The following IGBP1C variants were observed in gnomAD, a reference collection of about 807,000 sequenced individuals.
IGBP1C encodes the protein immunoglobulin-binding protein 1 family member C.
chr17:58,690,176 T>C, the IGBP1C span, among the ~76,000 whole-genome samples: 1 of 151,350 alleles, frequency 6.6e-6, no homozygotes, highest in Non-Finnish European at 1.5e-5. Flanking sequence ...TTTGCTTTGT[T>C]TTGTTTTTGA....
the IGBP1C span, among the ~76,000 whole-genome samples, chr17:58,667,098 C>A: frequency 2.0e-5 from 3 of 152,198 alleles, no homozygotes; most frequent in Non-Finnish European, 4.4e-5. Flanking sequence ...TTCGGATCTC[C>A]CTGTATGGAG....
the IGBP1C span, among the ~76,000 whole-genome samples, chr17:58,669,492 G>A: frequency 6.6e-6 from 1 of 151,944 alleles, no homozygotes; most frequent in African/African-American, 2.4e-5. Context: ...TGACACTTTC[G>A]GAGGCCGAGG....
At chr17:58,676,516 T>C in the IGBP1C span, among the ~76,000 whole-genome samples, 1 of 151,902 alleles carries the variant, frequency 6.6e-6, no homozygotes, top group Non-Finnish European at 1.5e-5. Flanking sequence ...GCCAAGATCA[T>C]GCCATTGCAC....
the IGBP1C span, among the ~76,000 whole-genome samples, chr17:58,672,180 G>A: frequency 1.3e-5 from 2 of 152,134 alleles, no homozygotes; most frequent in Non-Finnish European, 2.9e-5. Context: ...TGATCTAACA[G>A]GAGGAGGTGC....
At chr17:58,678,547 C>A in the IGBP1C span, among the ~76,000 whole-genome samples, 1 of 151,928 alleles carries the variant, frequency 6.6e-6, no homozygotes, top group Non-Finnish European at 1.5e-5. Context: ...AAGCTGGAAA[C>A]CATCATTCTG....
chr17:58,662,216 C>T, the IGBP1C span, among the ~76,000 whole-genome samples: 1 of 151,332 alleles, frequency 6.6e-6, no homozygotes, highest in African/African-American at 2.4e-5. Context: ...TTTGGGAGGC[C>T]GAGGTGGGCG....
At chr17:58,681,388 C>T in the IGBP1C span, among the ~76,000 whole-genome samples, 1 of 152,104 alleles carries the variant, frequency 6.6e-6, no homozygotes, top group Non-Finnish European at 1.5e-5. Context: ...GTGATGCAAC[C>T]AGACACTTGT....
chr17:58,683,270 G>A, the IGBP1C span, among the ~76,000 whole-genome samples: 1 of 151,638 alleles, frequency 6.6e-6, no homozygotes, highest in Admixed American at 6.6e-5. Context: ...CTACTCCGGA[G>A]GCTGAGGCAG....
chr17:58,679,837 T>C, the IGBP1C span: 1 of 152,150 alleles, frequency 6.6e-6, no homozygotes, highest in East Asian at 1.9e-4. Context: ...GTATTTTTAA[T>C]ATCTGGCTAT....
At chr17:58,678,184 T>C in the IGBP1C span, among the ~76,000 whole-genome samples, 2 of 152,108 alleles carry the variant, frequency 1.3e-5, no homozygotes, top group African/African-American at 4.8e-5. Flanking sequence ...TTAGATGTGA[T>C]TGATTTAAGA....
chr17:58,671,636 G>A, the IGBP1C span, among the ~76,000 whole-genome samples: 2 of 152,066 alleles, frequency 1.3e-5, no homozygotes, highest in Non-Finnish European at 2.9e-5. Context: ...AATGTCCTTA[G>A]GAAATAGACA....
chr17:58,689,932 C>T, the IGBP1C span, among the ~76,000 whole-genome samples: 1 of 150,714 alleles, frequency 6.6e-6, no homozygotes, highest in Non-Finnish European at 1.5e-5. Context: ...TCACTGCAAG[C>T]TCCGCCTCCT....
At chr17:58,676,820 A>G in the IGBP1C span, among the ~76,000 whole-genome samples, 2 of 151,830 alleles carry the variant, frequency 1.3e-5, no homozygotes, top group Admixed American at 6.6e-5. Flanking sequence ...ACCCTATGCT[A>G]CAAAAAGTTC....
chr17:58,667,891 TA>T, the IGBP1C span, among the ~76,000 whole-genome samples: 596 of 102,730 alleles, frequency 5.8e-3, 1 homozygote, highest in East Asian at 8.0e-3. Flanking sequence ...AGACTCTGGC[TA>T]AAAAAAAAAA....
the IGBP1C span, among the ~76,000 whole-genome samples, chr17:58,691,443 C>T: frequency 6.6e-6 from 1 of 151,506 alleles, no homozygotes; most frequent in Non-Finnish European, 1.5e-5. Flanking sequence ...CCGAGGCAGG[C>T]GGATCACGAG....
At chr17:58,691,463 T>TC in the IGBP1C span, among the ~76,000 whole-genome samples, 1 of 151,648 alleles carries the variant, frequency 6.6e-6, no homozygotes, top group African/African-American at 2.4e-5. Flanking sequence ...GGTCAGGAGT[T>TC]CGAGACCAGC....
At chr17:58,679,357 A>C in the IGBP1C span, among the ~76,000 whole-genome samples, 1 of 152,164 alleles carries the variant, frequency 6.6e-6, no homozygotes, top group Non-Finnish European at 1.5e-5. Flanking sequence ...TGTAGTACTC[A>C]ATGACAACAC....
the IGBP1C span, among the ~76,000 whole-genome samples, chr17:58,689,285 G>A: frequency 1.3e-5 from 2 of 150,866 alleles, no homozygotes; most frequent in Non-Finnish European, 2.9e-5. Flanking sequence ...GCAGTGGCCT[G>A]ATCTCACTCA....
the IGBP1C span, among the ~76,000 whole-genome samples, chr17:58,686,350 T>G: frequency 3.1e-4 from 47 of 152,046 alleles, no homozygotes; most frequent in Non-Finnish European, 1.5e-5. Context: ...TTATGGCTTA[T>G]GCAAATGGAA....
Sources: gnomAD v4.1 joint callset for allele counts (sites outside exome capture counted in the v4.1 genomes callset) on GRCh38, gnomAD v4.1.1 for gene constraint, MANE v1.5 for transcripts, NCBI Gene and HGNC (gene_info 2026-07-23, HGNC 2026-07-21) for gene names.